SLCO2A1: variants seen among roughly 807,000 people sequenced by gnomAD.
SLCO2A1 encodes the protein matrin F/G 1.
Under a neutral mutation model 71.7 loss-of-function variants are expected in SLCO2A1, and 60 were observed. That is an observed-to-expected ratio of 0.84 (90% CI 0.68 to 1.04). The LOEUF (loss-of-function observed/expected upper bound fraction) is 1.04, where lower values mean the gene tolerates loss of function less well. SLCO2A1 is among the 50% of genes least tolerant of loss of function. SLCO2A1 has a pLI of 0.00. For missense variants in SLCO2A1, 745 were observed against 813.4 expected, an observed-to-expected ratio of 0.92 and a Z score of 1.02; for synonymous variants, 308 against 326.7, an observed-to-expected ratio of 0.94 and a Z score of 0.62.
intron 3 of SLCO2A1, among the ~76,000 whole-genome samples, chr3:133,962,961 C>T (rs1285280083): frequency 6.6e-6 from 1 of 152,144 alleles, no homozygotes; most frequent in East Asian, 1.9e-4. Context: ...TCATCTTCCC[C>T]CAGGCAACCT....
chr3:134,011,337 C>T (rs1935341464), intron 1 of SLCO2A1, among the ~76,000 whole-genome samples: 1 of 152,360 alleles, frequency 6.6e-6, no homozygotes, highest in African/African-American at 2.4e-5. Context: ...GCGTGAGCCA[C>T]TGTGCCCAGC....
chr3:133,996,361 A>G (rs1280364813), intron 1 of SLCO2A1, among the ~76,000 whole-genome samples: 1 of 152,220 alleles, frequency 6.6e-6, no homozygotes, highest in East Asian at 1.9e-4. Flanking sequence ...CCAAAACAAC[A>G]GATGCTTAGA....
Position 133,935,653 on chromosome 3 carries a change from G to A in SLCO2A1, c.1814+121C>T, listed in dbSNP as rs896374695. ...TGTCCATGGCAGGGCCGCAGAGGTG[G>A]CCCTTCATGTTCTCTTCCTTGGAAG... is the stretch of plus-strand genomic sequence containing the variant. On this transcript the variant is annotated intron_variant, in intron 13 of 13. Coordinates refer to ENST00000310926, the MANE Select transcript of SLCO2A1 (RefSeq NM_005630.3). 1.2e-5 allele frequency: 14 copies of A among 1,185,534 alleles called. No individual in the cohort carries two copies. The Admixed American group carries it at 3.6e-4, about 30-fold the overall frequency. 73.4% of individuals were successfully genotyped at this position (1,185,534 alleles called of 1,614,324 possible). A position where few individuals can be genotyped will look rare whatever the true frequency, so the allele number is the denominator to read the frequency against.
At chr3:133,955,274 C>A in intron 3 of SLCO2A1, 81 bp from the exon 4 acceptor site, 1 of 1,303,648 alleles carries the variant, frequency 7.7e-7, no homozygotes, top group South Asian at 1.4e-5. Context: ...GCCTTTCTCC[C>A]AGGCCCCTTG....
In SLCO2A1 at chr3:133,951,261, G is replaced by A; in HGVS notation, c.808C>T (p.Leu270Phe). 1 of 1,614,150 alleles carries A rather than the reference G, an allele frequency of 6.2e-7. No individual in the cohort carries two copies. The highest frequency in any genetic ancestry group is 8.5e-7 in the Non-Finnish European group (1 of 1,180,034). Residue 270 changes from leucine (L) to phenylalanine (F), a missense_variant, in exon 6 of 14, where the codon CTC becomes TTC. Coordinates refer to ENST00000310926, the MANE Select transcript of SLCO2A1 (RefSeq NM_005630.3). ...AAGAAAAAAAAGGGGAAAGAGGTGA[G>A]AACCAATAAAGCTGAAGAAATGAGC... ...GLLISSALLV[L>F]TSFPFFFFPR...
intron 1 of SLCO2A1, among the ~76,000 whole-genome samples, chr3:134,012,995 G>A (rs138942721): frequency 2.4e-3 from 364 of 152,266 alleles, no homozygotes; most frequent in African/African-American, 8.4e-3. Flanking sequence ...CCTCAGTCCT[G>A]GGCAAATGAA....
At chr3:134,022,169 G>T (rs1055944137) in intron 1 of SLCO2A1, among the ~76,000 whole-genome samples, 1 of 151,782 alleles carries the variant, frequency 6.6e-6, no homozygotes, top group African/African-American at 2.4e-5. Flanking sequence ...TTTAAAGAAA[G>T]AAATATTTGT....
At chr3:133,944,949 T>C in intron 10 of SLCO2A1, 146 bp downstream of exon 10, 5 of 930,838 alleles carry the variant, frequency 5.4e-6, no homozygotes, top group Non-Finnish European at 8.1e-6. Context: ...AGGTTGGATG[T>C]GGCTCAGAGG....
At chr3:133,948,846 C>A in intron 7 of SLCO2A1, 47 bp downstream of exon 7, 1 of 1,601,732 alleles carries the variant, frequency 6.2e-7, no homozygotes, top group Non-Finnish European at 8.6e-7. Flanking sequence ...GCCACTATCC[C>A]CTCCCCCGCA....
Position 134,009,866 on chromosome 3 carries a change from G to A in SLCO2A1, c.96+19841C>T, listed in dbSNP as rs555099643. Reference sequence around the variant, plus strand: ...GTACATAGAGAAAAAATCTTAAGACGGGGACTCCCAGAGAGCCCCAATTCC... The same window carrying A: ...GTACATAGAGAAAAAATCTTAAGACAGGGACTCCCAGAGAGCCCCAATTCC... On this transcript the variant is annotated intron_variant, in intron 1 of 13. Coordinates refer to ENST00000310926, the MANE Select transcript of SLCO2A1 (RefSeq NM_005630.3). Among the ~76,000 whole-genome samples the A allele has an allele frequency of 2.6e-4, 40 of 152,266 alleles. 1 individual carries two copies. The highest frequency in any genetic ancestry group is 1.2e-3 in the Admixed American group (19 of 15,304).
intron 3 of SLCO2A1, among the ~76,000 whole-genome samples, chr3:133,971,343 G>A (rs927149578): frequency 1.2e-4 from 18 of 152,256 alleles, no homozygotes; most frequent in African/African-American, 3.6e-4. Flanking sequence ...TGTATGGCAG[G>A]AGCCTGGGGC....
intron 11 of SLCO2A1, among the ~76,000 whole-genome samples, chr3:133,940,888 G>A (rs755231357): frequency 2.6e-5 from 4 of 152,136 alleles, no homozygotes; most frequent in Non-Finnish European, 5.9e-5. Flanking sequence ...ATGAGTTAAC[G>A]TTTCCTCCAA....
chr3:133,943,059 C>T (rs1013647322), intron 10 of SLCO2A1, among the ~76,000 whole-genome samples: 1 of 152,202 alleles, frequency 6.6e-6, no homozygotes, highest in Admixed American at 6.5e-5. Context: ...CCAGGTTAGG[C>T]CCCCAACCCC....
In SLCO2A1 at chr3:133,935,884, A is replaced by G. The variant is rs896461194; in HGVS notation, c.1704T>C (p.Ser568=). ...LLMRLLAWLP[S]PALYGLTIDH... is the part of the protein sequence containing the mutation. ...CAATGGTGAGGCCATAGAGGGCTGG[A>G]GATGGCAGCCAGGCTGGAAGAGGGT... The change falls in exon 13 of 14, where the codon TCT becomes TCC. Residue 568 remains serine, a synonymous_variant. Transcript: ENST00000310926. 6.2e-7 allele frequency: 1 copy of G among 1,602,318 alleles called. No homozygotes were observed.
At chr3:134,002,300 T>C (rs1935121691) in intron 1 of SLCO2A1, among the ~76,000 whole-genome samples, 1 of 152,194 alleles carries the variant, frequency 6.6e-6, no homozygotes. Context: ...CCCTCCTGCC[T>C]CCTGGCCCAG....
chr3:134,025,294 G>A (rs1307628628), intron 1 of SLCO2A1, among the ~76,000 whole-genome samples: 1 of 152,014 alleles, frequency 6.6e-6, no homozygotes, highest in Non-Finnish European at 1.5e-5. Flanking sequence ...AAAAGAACTT[G>A]TTGTATAATA....
At chr3:133,979,068 T>C (rs1934523907) in intron 2 of SLCO2A1, among the ~76,000 whole-genome samples, 1 of 152,160 alleles carries the variant, frequency 6.6e-6, no homozygotes, top group Non-Finnish European at 1.5e-5. Context: ...AGACTATGTA[T>C]GGGGCAGGGG....
chr3:133,959,104 G>A (rs1368312883), intron 3 of SLCO2A1, among the ~76,000 whole-genome samples: 10 of 152,242 alleles, frequency 6.6e-5, no homozygotes, highest in African/African-American at 1.7e-4. Context: ...CTCAGCAGCA[G>A]TATGAGTGAT....
At chr3:134,025,041 A>G (rs558069914) in intron 1 of SLCO2A1, among the ~76,000 whole-genome samples, 1 of 152,158 alleles carries the variant, frequency 6.6e-6, no homozygotes, top group African/African-American at 2.4e-5. Flanking sequence ...GTGACTCTGA[A>G]GAAGACGACA....
Sources: allele counts gnomAD v4.1 joint callset (sites outside exome capture counted in the v4.1 genomes callset), GRCh38; gene constraint gnomAD v4.1.1; transcripts MANE v1.5; gene names NCBI Gene and HGNC (gene_info 2026-07-23, HGNC 2026-07-21).